The following LRP1B variants were observed in gnomAD, a reference collection of about 807,000 sequenced individuals.
LRP1B encodes low-density lipoprotein receptor-related protein 1B.
LRP1B carries 217 observed loss-of-function variants against 556.6 expected under a neutral mutation model. The ratio of observed to expected loss-of-function variants is 0.39; its 90% CI spans 0.35 to 0.44. The LOEUF is 0.44. Among genes scored for constraint, LRP1B ranks in the 20% least tolerant of loss-of-function variants. The pLI is 1.00. For synonymous variants in LRP1B, 2,047 were observed against 1,865.8 expected, an observed-to-expected ratio of 1.10 and a Z score of -2.50; for missense variants, 5,053 against 5,620.8, an observed-to-expected ratio of 0.90 and a Z score of 3.23.
chr2:141,188,043 A>T (rs1311744654), intron 7 of LRP1B, among the ~76,000 whole-genome samples: 1 of 152,072 alleles, frequency 6.6e-6, no homozygotes, highest in Non-Finnish European at 1.5e-5. Flanking sequence ...TCAACAGTAC[A>T]TCCTTCAAGT....
At chr2:141,492,147 C>A (rs1683360790) in intron 2 of LRP1B, among the ~76,000 whole-genome samples, 1 of 127,662 alleles carries the variant, frequency 7.8e-6, no homozygotes. Flanking sequence ...AACTAGTAAA[C>A]ACAATGTCTC....
intron 1 of LRP1B, among the ~76,000 whole-genome samples, chr2:141,878,074 G>A (rs1333486218): frequency 6.8e-6 from 1 of 147,832 alleles, no homozygotes; most frequent in East Asian, 1.9e-4. Flanking sequence ...TTGGAACACT[G>A]GTGAAGTTAA....
At chr2:140,722,296 AT>A (rs947995653) in intron 35 of LRP1B, among the ~76,000 whole-genome samples, 12 of 151,998 alleles carry the variant, frequency 7.9e-5, no homozygotes, top group African/African-American at 2.9e-4. Flanking sequence ...AAAATTCTTT[AT>A]TTTCCATGTC....
chr2:141,906,425 T>C (rs1444523574), intron 1 of LRP1B, among the ~76,000 whole-genome samples: 1 of 151,992 alleles, frequency 6.6e-6, no homozygotes, highest in African/African-American at 2.4e-5. Flanking sequence ...TGCATTCAAA[T>C]ATTTATATTT....
At chr2:141,954,002 TC>T (rs1701181397) in intron 1 of LRP1B, among the ~76,000 whole-genome samples, 1 of 152,108 alleles carries the variant, frequency 6.6e-6, no homozygotes, top group South Asian at 2.1e-4. Flanking sequence ...AAACATCTGA[TC>T]CTTTCCTTGC....
At chr2:140,951,418 G>T (rs1159091186) in intron 19 of LRP1B, among the ~76,000 whole-genome samples, 2 of 152,070 alleles carry the variant, frequency 1.3e-5, no homozygotes, top group African/African-American at 4.8e-5. Context: ...GCATAATTTA[G>T]CATAGTAATA....
chr2:141,602,232 A>G (rs1687772730), intron 2 of LRP1B, among the ~76,000 whole-genome samples: 1 of 152,160 alleles, frequency 6.6e-6, no homozygotes, highest in South Asian at 2.1e-4. Context: ...GAGAAACATA[A>G]ACATTTTGTA....
intron 2 of LRP1B, among the ~76,000 whole-genome samples, chr2:141,502,064 C>T (rs891664097): frequency 2.0e-5 from 3 of 152,120 alleles, no homozygotes; most frequent in African/African-American, 7.2e-5. Context: ...TCTGAACACT[C>T]CCCCCAAACA....
At chr2:140,393,294 T>C (rs1482900765) in intron 66 of LRP1B, among the ~76,000 whole-genome samples, 1 of 152,098 alleles carries the variant, frequency 6.6e-6, no homozygotes, top group African/African-American at 2.4e-5. Context: ...CACAAAATAA[T>C]GAACCAGTAG....
At chr2:141,414,162 G>A (rs7587372) in intron 3 of LRP1B, among the ~76,000 whole-genome samples, 136,111 of 149,386 alleles carry the variant, frequency 0.91, 62,091 homozygotes, top group South Asian at 0.93. Context: ...GCGTGAACCC[G>A]GGAGGCGGAG....
At chr2:140,902,878 T>A in intron 23 of LRP1B, 42 bp downstream of exon 23, 2 of 1,590,342 alleles carry the variant, frequency 1.3e-6, no homozygotes, top group South Asian at 1.1e-5. Flanking sequence ...TCTTTCAAGA[T>A]CTATTCTTAA....
chr2:140,490,100 G>A (rs1019175171), intron 57 of LRP1B, among the ~76,000 whole-genome samples: 1 of 152,044 alleles, frequency 6.6e-6, no homozygotes, highest in African/African-American at 2.4e-5. Flanking sequence ...TAGTTTCAGA[G>A]ATGAAAATTT....
intron 3 of LRP1B, among the ~76,000 whole-genome samples, chr2:141,402,986 G>A (rs1258499566): frequency 1.3e-5 from 2 of 152,000 alleles, no homozygotes; most frequent in Non-Finnish European, 2.9e-5. Flanking sequence ...GGAGAGGAAA[G>A]GGGCAAAATA....
At chr2:141,591,131 G>A (rs1228071286) in intron 2 of LRP1B, among the ~76,000 whole-genome samples, 1 of 152,132 alleles carries the variant, frequency 6.6e-6, no homozygotes, top group Non-Finnish European at 1.5e-5. Flanking sequence ...ACCTGAGGCA[G>A]CTCCAAGAAG....
intron 43 of LRP1B, 91 bp downstream of exon 43, chr2:140,598,540 C>A: frequency 1.1e-6 from 1 of 932,264 alleles, no homozygotes. Context: ...TTTGAAATTC[C>A]TTGATATGTA....
rs188164923 is a variant in LRP1B at position 141,406,289 on chromosome 2, T to C, written c.343+74107A>G. Among the ~76,000 whole-genome samples, 11 of 152,190 alleles carry C rather than the reference T, an allele frequency of 7.2e-5. 1 individual carries two copies. The highest frequency in any genetic ancestry group is 3.4e-3 in the Middle Eastern group (1 of 292). On this transcript the variant is annotated intron_variant, in intron 3 of 90. Transcript: ENST00000389484. ...TATGTGAATATACAAAAAATGATAA[T>C]ATGGAGTATAAATAGGATGTTCATA...
At chr2:141,297,043 T>C (rs1686208622) in intron 3 of LRP1B, among the ~76,000 whole-genome samples, 1 of 152,224 alleles carries the variant, frequency 6.6e-6, no homozygotes, top group Non-Finnish European at 1.5e-5. Flanking sequence ...GATTTCATTC[T>C]TATTTATGGC....
chr2:140,601,476 A>C lies in LRP1B; in HGVS notation c.6963T>G (p.His2321Gln). The change falls in exon 42 of 91, where the codon CAT (histidine) becomes CAG (glutamine). Residue 2321 changes from histidine (H) to glutamine (Q), a missense_variant. His to Gln is a conservative substitution (Grantham distance 24). Transcript: ENST00000389484. ...VITMSEDDHP[H>Q]VLALDECQNL... ...TTTGACATTCATCCAAGGCTAGCAC[A>C]TGTGGATGGTCATCTTCTGACATGG... 6.2e-7 allele frequency: 1 copy of C among 1,612,516 alleles called. No homozygotes were observed. Among genetic ancestry groups the C allele is most frequent in the Non-Finnish European group, 8.5e-7 (1 of 1,178,984 alleles).
At position 140,907,810 on chromosome 2, in the gene LRP1B, G is replaced by C. The variant is rs999391688; in HGVS notation, c.3520+67C>G. ...AAAGGAATGAATGCTACTATATTAAGTAACAGCAACTGAACTAAAAGGTTG... is the reference window on the plus strand; with the variant it reads ...AAAGGAATGAATGCTACTATATTAACTAACAGCAACTGAACTAAAAGGTTG... On this transcript the variant is annotated intron_variant, in intron 22 of 90. Coordinates refer to ENST00000389484, the MANE Select transcript of LRP1B (RefSeq NM_018557.3). 3.3e-5 allele frequency: 44 copies of C among 1,344,062 alleles called. No individual in the cohort carries two copies. In the Admixed American group the frequency reaches 3.7e-4, roughly 11 times the overall value. 83.3% of individuals were successfully genotyped at this position (1,344,062 alleles called of 1,614,324 possible). A position where few individuals can be genotyped will look rare whatever the true frequency, so the allele number is the denominator to read the frequency against.
Sources: gnomAD v4.1 joint callset for allele counts (sites outside exome capture counted in the v4.1 genomes callset) on GRCh38, gnomAD v4.1.1 for gene constraint, MANE v1.5 for transcripts, NCBI Gene and HGNC (gene_info 2026-07-23, HGNC 2026-07-21) for gene names.